Variants in ZBTB17 observed in about 807,000 individuals in gnomAD.
ZBTB17 encodes the protein zinc finger and BTB domain-containing protein 17.
ZBTB17 carries 24 observed loss-of-function variants against 85.1 expected under a neutral mutation model. The ratio of observed to expected loss-of-function variants is 0.28; its 90% CI spans 0.20 to 0.40. The LOEUF (loss-of-function observed/expected upper bound fraction) is 0.40, where lower values mean the gene tolerates loss of function less well. ZBTB17 is among the 10% of genes least tolerant of loss of function. The pLI is 1.00. For synonymous variants in ZBTB17, 464 were observed against 460.2 expected (o/e 1.01, Z -0.11); for missense variants, 743 against 1,105.1 (o/e 0.67, Z 4.65).
rs1167726630 is a variant in ZBTB17, at chr1:15,964,089, C to T, written c.-3+8950G>A. Reference sequence around the variant, plus strand: ...AAGCTGCGATTGTGCCACGGCACTCCAGCCTGGACAACAGCGAGACCCTGT... The same window carrying T: ...AAGCTGCGATTGTGCCACGGCACTCTAGCCTGGACAACAGCGAGACCCTGT... On this transcript the variant is annotated intron_variant, in intron 2 of 15. Coordinates refer to ENST00000375743, the MANE Select transcript of ZBTB17 (RefSeq NM_003443.3). This position sits in a 1 kb window ranked among gnomAD's most constrained non-coding sequence, Gnocchi z 4.3. Among the ~76,000 whole-genome samples, 1 of 150,072 alleles carries T rather than the reference C, an allele frequency of 6.7e-6. No homozygotes were observed.
chr1:15,967,539 G>C (rs1230818155), intron 2 of ZBTB17, among the ~76,000 whole-genome samples: 1 of 151,962 alleles, frequency 6.6e-6, no homozygotes, highest in Non-Finnish European at 1.5e-5. Flanking sequence ...AGTTTCCTGG[G>C]AGGAGAGGGG....
chr1:15,962,218 AAAAAT>A (rs1435636288), intron 2 of ZBTB17, among the ~76,000 whole-genome samples: 5 of 150,284 alleles, frequency 3.3e-5, no homozygotes, highest in Non-Finnish European at 5.9e-5. Flanking sequence ...GAATAAAATA[AAAAAT>A]AAAATAAAAT....
At chr1:15,960,071 T>C (rs2072201990) in intron 2 of ZBTB17, among the ~76,000 whole-genome samples, 1 of 152,224 alleles carries the variant, frequency 6.6e-6, no homozygotes, top group African/African-American at 2.4e-5. Context: ...CCCCTGACAC[T>C]GCGACGACAC....
rs148613701 is a variant in ZBTB17, at chr1:15,950,889, G to A, written c.-2-2392C>T. ...TGGCCATGTGCCCTGGGGCTTCCTG[G>A]CAAGCGCAGCCCCGCCCAGCCATAC... is the stretch of plus-strand genomic sequence containing the variant. On this transcript the variant is annotated intron_variant, in intron 2 of 15. Transcript: ENST00000375743. Among the ~76,000 whole-genome samples the A allele has an allele frequency of 7.0e-4, 106 of 152,346 alleles. No individual in the cohort carries two copies. In the Middle Eastern group the frequency reaches 0.01, roughly 15 times the overall value.
rs146306432 is a variant in ZBTB17 at position 15,961,057 on chromosome 1, T to G, written c.-3+11982A>C. ...TAAGCCCACAAGGTCAACGCTGCAG[T>G]GAGCAGTGATTGCACCACTGCACTC... On this transcript the variant is annotated intron_variant, in intron 2 of 15. Transcript: ENST00000375743. Among the ~76,000 whole-genome samples, 978 of 151,386 alleles carry G rather than the reference T, an allele frequency of 6.5e-3. 8 individuals are homozygous for G. The highest frequency in any genetic ancestry group is 0.021 in the Middle Eastern group (6 of 292).
chr1:15,948,340 G>A lies in ZBTB17; in HGVS notation c.156C>T (p.Leu52=), dbSNP rs2071698568. Residue 52 remains leucine (L), a synonymous_variant, in exon 3 of 16, where the codon CTC becomes CTT. Transcript: ENST00000375743. ...GCACCACGTCCTTCTGGTCCACGAA[G>A]AGCATCTTGAAGTACTCGCTGCAGG... ...LAACSEYFKM[L]FVDQKDVVHL... 1 of 1,614,018 alleles carries A rather than the reference G, an allele frequency of 6.2e-7. No individual in the cohort carries two copies. Among genetic ancestry groups the A allele is most frequent in the South Asian group, 1.1e-5 (1 of 91,090 alleles).
intron 2 of ZBTB17, among the ~76,000 whole-genome samples, chr1:15,965,864 T>C (rs958119105): frequency 2.0e-5 from 3 of 152,180 alleles, no homozygotes; most frequent in South Asian, 2.1e-4. Context: ...GGTAAAACTA[T>C]AAAGAAAAGC....
chr1:15,941,917 C>A lies in ZBTB17; in HGVS notation c.*52G>T. On this transcript the variant is annotated 3_prime_UTR_variant, in exon 16 of 16. Transcript: ENST00000375743. ...TCTCTAGGGAACAGGCCACCCTTCCCGGTTCCAGGGTGCCATCCATCCTTA... is the reference window on the plus strand; with the variant it reads ...TCTCTAGGGAACAGGCCACCCTTCCAGGTTCCAGGGTGCCATCCATCCTTA... 1 of 1,550,312 alleles carries A rather than the reference C, an allele frequency of 6.5e-7. No homozygotes were observed. Among genetic ancestry groups the A allele is most frequent in the Non-Finnish European group, 8.7e-7 (1 of 1,151,684 alleles).
chr1:15,969,103 AG>A (rs939320814), intron 2 of ZBTB17, among the ~76,000 whole-genome samples: 12 of 152,212 alleles, frequency 7.9e-5, no homozygotes, highest in African/African-American at 1.2e-4. Flanking sequence ...TCAGATCAGC[AG>A]CAGCATTAGA....
intron 2 of ZBTB17, among the ~76,000 whole-genome samples, chr1:15,972,471 C>A (rs2072722443): frequency 6.6e-6 from 1 of 152,210 alleles, no homozygotes; most frequent in African/African-American, 2.4e-5. Context: ...TTTAGCTGTG[C>A]ACCAGATGCA....
rs1458568535 is a variant in ZBTB17, at chr1:15,942,054, A to G, written c.2327T>C (p.Phe776Ser). 6.2e-7 allele frequency: 1 copy of G among 1,612,418 alleles called. No homozygotes were observed. Among genetic ancestry groups the G allele is most frequent in the East Asian group, 2.2e-5 (1 of 44,876 alleles). Residue 776 changes from phenylalanine (F) to serine (S), a missense_variant, in exon 16 of 16, where the codon TTC (phenylalanine) becomes TCC (serine). By Grantham distance (155) the Phe-to-Ser change is radical. Around this residue, in one of 4 missense-constraint regions of ZBTB17, gnomAD observed 69 missense variants for 77.0 expected, o/e 0.90. Transcript: ENST00000375743. ...GQVLQAGELV[F>S]RPRDGAEGQP... ...GCCCTCAGCCCCGTCGCGAGGGCGG[A>G]AGACCAGCTCCCCAGCCTGCAGCAC...
At chr1:15,972,568 GCT>G (rs1377779265) in intron 2 of ZBTB17, among the ~76,000 whole-genome samples, 1 of 152,166 alleles carries the variant, frequency 6.6e-6, no homozygotes, top group Non-Finnish European at 1.5e-5. Flanking sequence ...TGTGCTCGCT[GCT>G]CTGTGTCCCT....
intron 2 of ZBTB17, among the ~76,000 whole-genome samples, chr1:15,962,833 C>T (rs933375409): frequency 3.9e-5 from 6 of 152,076 alleles, no homozygotes; most frequent in Non-Finnish European, 8.8e-5. Context: ...CCCAGCTACT[C>T]GAAAGGCTGA....
intron 2 of ZBTB17, among the ~76,000 whole-genome samples, chr1:15,959,568 G>A (rs1015093257): frequency 7.0e-6 from 1 of 142,288 alleles, no homozygotes; most frequent in Non-Finnish European, 1.5e-5. Flanking sequence ...AAAGGAGGAA[G>A]CAACAGGGAA....
Position 15,942,394 on chromosome 1 carries a change from C to T in ZBTB17, c.2065G>A (p.Ala689Thr). 1 of 1,613,616 alleles carries T rather than the reference C, an allele frequency of 6.2e-7. No individual in the cohort carries two copies. The highest frequency in any genetic ancestry group is 8.5e-7 in the Non-Finnish European group (1 of 1,179,996). ...TVVPVGAAVTADETEVLKAEI... is the reference protein window; with the variant it reads ...TVVPVGAAVTTDETEVLKAEI... ...GCCTTCAGGACTTCCGTCTCATCGGCTGTCACTGCAGCTCCCACCGGCACC... is the reference window on the plus strand; with the variant it reads ...GCCTTCAGGACTTCCGTCTCATCGGTTGTCACTGCAGCTCCCACCGGCACC... Residue 689 changes from alanine (A) to threonine (T), a missense_variant, in exon 15 of 16, where the codon GCC (alanine) becomes ACC (threonine). Physicochemically the swap from Ala to Thr is moderately conservative, Grantham distance 58. Transcript: ENST00000375743.
At chr1:15,959,857 T>C (rs1289880044) in intron 2 of ZBTB17, among the ~76,000 whole-genome samples, 1 of 152,092 alleles carries the variant, frequency 6.6e-6, no homozygotes, top group Non-Finnish European at 1.5e-5. Context: ...TTTCTATCTA[T>C]CATAAAATCT....
rs1207125227 is a variant in ZBTB17, at chr1:15,943,669, G to A, written c.1506C>T (p.Tyr502=). Reference sequence around the variant, plus strand: ...ACTGTCGCTGGCAGTGGATGCACACGTAGGGCTTCTCCCCGCTGTGGATCC... The same window carrying A: ...ACTGTCGCTGGCAGTGGATGCACACATAGGGCTTCTCCCCGCTGTGGATCC... ...HLRIHSGEKP[Y]VCIHCQRQFA... Residue 502 remains tyrosine (Y), a synonymous_variant, in exon 11 of 16, where the codon TAC becomes TAT. Transcript: ENST00000375743. The A allele has an allele frequency of 1.2e-6, 2 of 1,613,174 alleles. No homozygotes were observed. Among genetic ancestry groups the A allele is most frequent in the Non-Finnish European group, 1.7e-6 (2 of 1,179,970 alleles).
intron 4 of ZBTB17, 54 bp downstream of exon 4, chr1:15,946,881 A>G: frequency 2.6e-6 from 4 of 1,559,912 alleles, no homozygotes; most frequent in Admixed American, 3.6e-5. Context: ...CAGAGCCCAC[A>G]TCAAAAGCCA....
chr1:15,945,370 G>C (rs1250519832), intron 6 of ZBTB17, among the ~76,000 whole-genome samples, 168 bp from the exon 7 acceptor site: 1 of 152,220 alleles, frequency 6.6e-6, no homozygotes, highest in Non-Finnish European at 1.5e-5. Context: ...ATGCAGGTAG[G>C]GGGCTTAGCC....
Sources: gnomAD v4.1 joint callset for allele counts (sites outside exome capture counted in the v4.1 genomes callset) on GRCh38, gnomAD v4.1.1 for gene constraint, gnomAD v4.1.1 regional missense constraint, Gnocchi (gnomAD v3.1) non-coding constraint, MANE v1.5 for transcripts, NCBI Gene and HGNC (gene_info 2026-07-23, HGNC 2026-07-21) for gene names.